Variants in ZFYVE16 observed in about 807,000 individuals in gnomAD.
ZFYVE16 encodes zinc finger FYVE domain-containing protein 16.
In ZFYVE16, 89 loss-of-function variants were observed where a neutral mutation model predicts 138.1. The observed-to-expected ratio is 0.64, with a 90% confidence interval of 0.54 to 0.77. The LOEUF (loss-of-function observed/expected upper bound fraction) is 0.77. Among genes scored for constraint, ZFYVE16 ranks in the 30% least tolerant of loss-of-function variants. ZFYVE16 has a pLI of 0.00. For synonymous variants in ZFYVE16, 596 were observed against 618.3 expected (o/e 0.96, Z 0.53); for missense variants, 1,793 against 1,786.7 (o/e 1.00, Z -0.06).
At chr5:80,454,462 C>G (rs550172547) in intron 11 of ZFYVE16, 8 of 152,138 alleles carry the variant, frequency 5.3e-5, no homozygotes, top group African/African-American at 1.4e-4. Flanking sequence ...GACCTCATGT[C>G]CCTTCCCTTT....
intron 11 of ZFYVE16, chr5:80,454,395 T>G (rs1752292527): frequency 6.6e-6 from 1 of 152,220 alleles, no homozygotes; most frequent in Non-Finnish European, 1.5e-5. Context: ...AGGTCTCTTT[T>G]CCTTTTTGGT....
At chr5:80,419,872 T>C (rs1746834998) in intron 1 of ZFYVE16, among the ~76,000 whole-genome samples, 1 of 146,814 alleles carries the variant, frequency 6.8e-6, no homozygotes, top group Non-Finnish European at 1.5e-5. Context: ...AGTGCAGTGG[T>C]GTGATCTTGG....
intron 1 of ZFYVE16, among the ~76,000 whole-genome samples, chr5:80,425,623 C>T (rs1402245714): frequency 6.6e-6 from 1 of 152,154 alleles, no homozygotes; most frequent in Non-Finnish European, 1.5e-5. Flanking sequence ...TGTTGCTGTA[C>T]AGTGTTTCAC....
intron 14 of ZFYVE16, among the ~76,000 whole-genome samples, chr5:80,459,010 A>C (rs1003948577): frequency 1.3e-5 from 2 of 152,152 alleles, no homozygotes; most frequent in Admixed American, 6.5e-5. Flanking sequence ...GGCTCACTGG[A>C]ACCTCCACCT....
rs562616022 is a variant in ZFYVE16 at position 80,451,501 on chromosome 5, C to T, written c.3399C>T (p.Asn1133=). The change falls in exon 11 of 19, where the codon AAC becomes AAT. Residue 1133 remains asparagine, a synonymous_variant. Transcript: ENST00000505560. ...TATTTGCAGGAAAATACATAGAAAA[C>T]TTGGACAATATTACCTTTACTGAGA... ...KDALKGKYIE[N]LDNITFTESF... is the part of the protein sequence containing the mutation. The T allele has an allele frequency of 6.2e-7, 1 of 1,602,702 alleles. No homozygotes were observed. The highest frequency in any genetic ancestry group is 1.3e-5 in the African/African-American group (1 of 74,452).
chr5:80,451,987 G>C, intron 11 of ZFYVE16: 1 of 311,812 alleles, frequency 3.2e-6, no homozygotes, highest in Non-Finnish European at 5.8e-6. Flanking sequence ...TGCAGGTTGA[G>C]TATGCCATAT....
chr5:80,444,251 C>T (rs1473902007), intron 6 of ZFYVE16, among the ~76,000 whole-genome samples: 1 of 151,938 alleles, frequency 6.6e-6, no homozygotes, highest in African/African-American at 2.4e-5. Context: ...TATTATAGCT[C>T]TAAAGATGAA....
At chr5:80,469,715 A>G (rs1222426971) in intron 15 of ZFYVE16, among the ~76,000 whole-genome samples, 1 of 151,460 alleles carries the variant, frequency 6.6e-6, no homozygotes, top group Non-Finnish European at 1.5e-5. Flanking sequence ...CACCCCATAG[A>G]TTCTTGATGC....
intron 6 of ZFYVE16, among the ~76,000 whole-genome samples, chr5:80,444,326 T>G (rs1751055369): frequency 6.6e-6 from 1 of 152,134 alleles, no homozygotes; most frequent in Non-Finnish European, 1.5e-5. Flanking sequence ...TATAAAAATG[T>G]TGCAAATACA....
intron 11 of ZFYVE16, chr5:80,451,933 AC>A (rs1752026963): frequency 6.5e-6 from 3 of 459,544 alleles, no homozygotes; most frequent in African/African-American, 6.1e-5. Context: ...ATTACCTAAA[AC>A]TTTTCTTCTT....
chr5:80,439,044 T>G (rs1561279648), intron 4 of ZFYVE16, 37 bp downstream of exon 4: 17 of 1,554,962 alleles, frequency 1.1e-5, no homozygotes, highest in Non-Finnish European at 1.5e-5. Context: ...TTTGTTCTTT[T>G]GAGACATTTT....
At chr5:80,441,194 C>A in intron 5 of ZFYVE16, 1 of 985,390 alleles carries the variant, frequency 1.0e-6, no homozygotes, top group Non-Finnish European at 1.2e-6. Context: ...TTATCTCCCC[C>A]ACTTAAAAAG....
intron 1 of ZFYVE16, among the ~76,000 whole-genome samples, chr5:80,426,272 G>GTGTGTGTGTATATA (rs1370196862): frequency 1.0e-3 from 27 of 26,454 alleles, no homozygotes; most frequent in African/African-American, 1.4e-3. Flanking sequence ...GTGTGTGTGT[G>GTGTGTGTGTATATA]TATATATATA....
chr5:80,435,649 G>A, intron 3 of ZFYVE16: 1 of 364,834 alleles, frequency 2.7e-6, no homozygotes, highest in African/African-American at 2.2e-5. Flanking sequence ...GCTCACTGCA[G>A]CCTTGAATTC....
intron 4 of ZFYVE16, among the ~76,000 whole-genome samples, chr5:80,439,629 A>G (rs1039750971): frequency 1.3e-5 from 2 of 152,182 alleles, no homozygotes; most frequent in African/African-American, 4.8e-5. Flanking sequence ...TAAATGAAGA[A>G]CTACAGAGAA....
intron 3 of ZFYVE16, among the ~76,000 whole-genome samples, chr5:80,434,988 A>G (rs1248131609): frequency 2.6e-5 from 4 of 151,958 alleles, no homozygotes; most frequent in African/African-American, 7.2e-5. Context: ...CAGCCTCCTG[A>G]GGAGCTGGGA....
intron 18 of ZFYVE16, among the ~76,000 whole-genome samples, chr5:80,476,180 G>A (rs527475020): frequency 6.6e-6 from 1 of 152,282 alleles, no homozygotes; most frequent in South Asian, 2.1e-4. Context: ...TTGACCTCAT[G>A]TGATCTGTGG....
intron 15 of ZFYVE16, among the ~76,000 whole-genome samples, chr5:80,463,334 G>T (rs1241469054): frequency 1.3e-5 from 2 of 152,206 alleles, no homozygotes; most frequent in Non-Finnish European, 2.9e-5. Flanking sequence ...AACACCACCT[G>T]TAAGCCACCA....
intron 15 of ZFYVE16, among the ~76,000 whole-genome samples, chr5:80,459,867 G>T (rs988043343): frequency 3.9e-5 from 6 of 152,052 alleles, no homozygotes; most frequent in Admixed American, 2.0e-4. Context: ...TATGCATGTT[G>T]TTTCTTACAA....
Sources: gnomAD v4.1 joint callset for allele counts (sites outside exome capture counted in the v4.1 genomes callset) on GRCh38, gnomAD v4.1.1 for gene constraint, MANE v1.5 for transcripts, NCBI Gene and HGNC (gene_info 2026-07-23, HGNC 2026-07-21) for gene names.